Variants in DLGAP2 observed in about 807,000 individuals in gnomAD.
DLGAP2 encodes DLG associated protein 2, also known as disks large-associated protein 2.
DLGAP2 carries 26 observed loss-of-function variants against 100.3 expected under a neutral mutation model. That is an observed-to-expected ratio of 0.26 (90% CI 0.19 to 0.36). DLGAP2 has a LOEUF of 0.36. DLGAP2 is among the 10% of genes least tolerant of loss of function. The probability of loss-of-function intolerance (pLI) is 1.00; values close to 1 mark genes in which losing one functional copy is unlikely to be tolerated. For synonymous variants in DLGAP2, 886 were observed against 630.1 expected (o/e 1.41, Z -6.08); for missense variants, 1,858 against 1,453.2 (o/e 1.28, Z -4.53).
At chr8:1,303,729 A>G (rs1025183292) in intron 3 of DLGAP2, among the ~76,000 whole-genome samples, 2 of 151,912 alleles carry the variant, frequency 1.3e-5, no homozygotes, top group African/African-American at 4.8e-5. Flanking sequence ...CCTCCCAGGC[A>G]TTTTCTCCTC....
chr8:1,231,669 G>A (rs1160849076), intron 2 of DLGAP2, among the ~76,000 whole-genome samples: 2 of 152,160 alleles, frequency 1.3e-5, no homozygotes, highest in Non-Finnish European at 2.9e-5. Flanking sequence ...ATGAAATCGT[G>A]TTCTTTGCAG....
intron 1 of DLGAP2, among the ~76,000 whole-genome samples, chr8:808,907 T>C (rs1180213611): frequency 1.3e-5 from 1 of 78,014 alleles, no homozygotes; most frequent in Admixed American, 2.1e-4. Context: ...GTTGCTGCCT[T>C]TTTTTTTTTT....
chr8:815,272 C>T (rs891938185), intron 1 of DLGAP2, among the ~76,000 whole-genome samples: 1 of 152,198 alleles, frequency 6.6e-6, no homozygotes, highest in African/African-American at 2.4e-5. Flanking sequence ...GTGTCTGTGT[C>T]CTCTGAAGGG....
intron 3 of DLGAP2, among the ~76,000 whole-genome samples, chr8:1,261,361 G>A (rs983121546): frequency 7.2e-6 from 1 of 139,838 alleles, no homozygotes; most frequent in Non-Finnish European, 1.6e-5. Flanking sequence ...TGGGAGGGCA[G>A]GTCAGCTTCC....
intron 1 of DLGAP2, among the ~76,000 whole-genome samples, chr8:829,821 A>G (rs1394576432): frequency 1.3e-5 from 2 of 152,196 alleles, no homozygotes; most frequent in Admixed American, 6.5e-5. Flanking sequence ...TAACTGCAGT[A>G]TATTATGGTG....
chr8:1,589,595 C>G (rs971399499), intron 6 of DLGAP2, among the ~76,000 whole-genome samples: 2 of 152,166 alleles, frequency 1.3e-5, no homozygotes, highest in Non-Finnish European at 2.9e-5. Flanking sequence ...CCACCATGCC[C>G]AGCTAATTTT....
chr8:805,246 T>C (rs191177027), intron 1 of DLGAP2, among the ~76,000 whole-genome samples: 14 of 152,342 alleles, frequency 9.2e-5, no homozygotes, highest in Admixed American at 3.3e-4. Flanking sequence ...TAAGGACTAC[T>C]TCTTCCTGTT....
At chr8:1,504,708 C>G (rs997848410) in intron 4 of DLGAP2, among the ~76,000 whole-genome samples, 2 of 152,196 alleles carry the variant, frequency 1.3e-5, no homozygotes, top group African/African-American at 4.8e-5. Context: ...TATGTTGTTG[C>G]AAATGCTAGG....
chr8:1,335,505 C>T (rs1183028359), intron 3 of DLGAP2, among the ~76,000 whole-genome samples: 3 of 152,130 alleles, frequency 2.0e-5, no homozygotes, highest in Admixed American at 1.3e-4. Flanking sequence ...GTTGCAATAT[C>T]GGACATGATG....
chr8:922,736 C>T (rs920392538), intron 2 of DLGAP2, among the ~76,000 whole-genome samples: 2 of 152,140 alleles, frequency 1.3e-5, no homozygotes, highest in Non-Finnish European at 2.9e-5. Flanking sequence ...TCCAGCAAAG[C>T]TTTGCTTATT....
chr8:1,665,959 T>C (rs1483831240), intron 8 of DLGAP2, among the ~76,000 whole-genome samples: 1 of 152,182 alleles, frequency 6.6e-6, no homozygotes, highest in African/African-American at 2.4e-5. Context: ...ACACCCTTGA[T>C]AAATCAGCGC....
At chr8:1,431,820 G>T (rs377491322) in intron 3 of DLGAP2, among the ~76,000 whole-genome samples, 1 of 152,184 alleles carries the variant, frequency 6.6e-6, no homozygotes, top group African/African-American at 2.4e-5. Context: ...GGACTCTTCT[G>T]ATGCCTCCGT....
intron 2 of DLGAP2, among the ~76,000 whole-genome samples, chr8:1,029,238 C>A (rs771228393): frequency 7.2e-5 from 11 of 152,154 alleles, no homozygotes; most frequent in Admixed American, 4.6e-4. Context: ...AAAGATTCTT[C>A]CAGATTTGGA....
intron 3 of DLGAP2, among the ~76,000 whole-genome samples, chr8:1,436,067 G>C (rs1195453874): frequency 6.6e-6 from 1 of 152,056 alleles, no homozygotes; most frequent in African/African-American, 2.4e-5. Context: ...TTCTCTAGAG[G>C]GACAGGACTA....
chr8:858,739 ATGATGCTGTCACCGTGGGCACATGTG>A (rs1797332969), intron 1 of DLGAP2, among the ~76,000 whole-genome samples: 2 of 71,612 alleles, frequency 2.8e-5, no homozygotes, highest in South Asian at 5.1e-4. Flanking sequence ...GGGCACATGT[ATGATGCTGTCACCGTGGGCACATGTG>A]TGATGCTGTC....
chr8:1,052,010 G>A (rs1802728618), intron 2 of DLGAP2, among the ~76,000 whole-genome samples: 1 of 152,178 alleles, frequency 6.6e-6, no homozygotes, highest in African/African-American at 2.4e-5. Context: ...ACAATGGGAT[G>A]CCCCACAAGG....
intron 2 of DLGAP2, among the ~76,000 whole-genome samples, chr8:1,138,779 C>T (rs555654875): frequency 2.6e-5 from 4 of 152,078 alleles, no homozygotes; most frequent in Non-Finnish European, 5.9e-5. Flanking sequence ...TGTTTATTTA[C>T]TTGTCCTGAC....
At chr8:1,112,236 CA>C (rs1804979682) in intron 2 of DLGAP2, among the ~76,000 whole-genome samples, 1 of 69,612 alleles carries the variant, frequency 1.4e-5, no homozygotes, top group East Asian at 3.7e-4. Flanking sequence ...GTCCTTTGCC[CA>C]TTTTTTTTTT....
chr8:1,329,459 T>G (rs1386647510), intron 3 of DLGAP2, among the ~76,000 whole-genome samples: 1 of 152,244 alleles, frequency 6.6e-6, no homozygotes, highest in Admixed American at 6.5e-5. Context: ...TTTTATGATT[T>G]CTGAAATTTT....
Sources: allele counts gnomAD v4.1 joint callset (sites outside exome capture counted in the v4.1 genomes callset), GRCh38; gene constraint gnomAD v4.1.1; transcripts MANE v1.5; gene names NCBI Gene and HGNC (gene_info 2026-07-23, HGNC 2026-07-21).